Variants in ELOA observed in about 807,000 individuals in gnomAD.
ELOA encodes elongin-A.
In ELOA, 15 loss-of-function variants were observed where a neutral mutation model predicts 85.2. The ratio of observed to expected loss-of-function variants is 0.18; its 90% CI spans 0.12 to 0.27. The LOEUF is 0.27. ELOA is among the 10% of genes least tolerant of loss of function. ELOA has a pLI of 1.00. For missense variants in ELOA, 769 were observed against 952.7 expected, an observed-to-expected ratio of 0.81 and a Z score of 2.54; for synonymous variants, 348 against 357.2, an observed-to-expected ratio of 0.97 and a Z score of 0.29.
intron 1 of ELOA, 118 bp from the exon 2 acceptor site, chr1:23,748,903 G>A: frequency 1.4e-6 from 1 of 737,860 alleles, no homozygotes; most frequent in African/African-American, 1.8e-5. Flanking sequence ...ACTTACTACT[G>A]TAAATAGGCA....
intron 5 of ELOA, among the ~76,000 whole-genome samples, chr1:23,752,958 C>T (rs537137064): frequency 1.3e-5 from 2 of 151,552 alleles, no homozygotes; most frequent in African/African-American, 4.9e-5. Context: ...AAAAGGAGTT[C>T]TAAACCACCC....
intron 3 of ELOA, 55 bp from the exon 4 acceptor site, chr1:23,750,790 G>T: frequency 6.8e-7 from 1 of 1,468,900 alleles, no homozygotes; most frequent in Non-Finnish European, 9.1e-7. Context: ...CTGTGACTTT[G>T]TCCCTCAAGA....
intron 1 of ELOA, among the ~76,000 whole-genome samples, chr1:23,744,947 G>T (rs892852422): frequency 2.0e-4 from 31 of 151,918 alleles, no homozygotes; most frequent in Non-Finnish European, 3.7e-4. Context: ...ATTCTTTGGG[G>T]TTTTTTTTCT....
intron 3 of ELOA, among the ~76,000 whole-genome samples, chr1:23,750,556 A>G (rs1043189818): frequency 1.3e-5 from 2 of 152,012 alleles, no homozygotes; most frequent in African/African-American, 4.8e-5. Context: ...AGCAGCCCCC[A>G]TTTTATATAA....
At position 23,751,236 on chromosome 1, in the gene ELOA, G is replaced by A. The variant is rs771606084; in HGVS notation, c.631G>A (p.Gly211Arg). The A allele has an allele frequency of 1.2e-5, 20 of 1,614,072 alleles. No individual in the cohort carries two copies. Among genetic ancestry groups the A allele is most frequent in the Non-Finnish European group, 1.6e-5 (19 of 1,180,052 alleles). ...GCCCATTGTTTCACACCAGAAGCCT[G>A]GGAAAGGCCACAGCAATGCCTTTCA... ...QEPIVSHQKP[G>R]KGHSNAFQDR... Residue 211 changes from glycine (G) to arginine (R), a missense_variant, in exon 4 of 11, where the codon GGG (glycine) becomes AGG (arginine). Physicochemically the swap from Gly to Arg is moderately radical, Grantham distance 125. Transcript: ENST00000613537.
At position 23,752,622 on chromosome 1, in the gene ELOA, C is replaced by T. The variant is rs568553014; in HGVS notation, c.1537+104C>T. ...CTATAATTCCAGCACTTTGGGAGGC[C>T]GAGGTAAGAGGATTGCTTGCGGCCA... On this transcript the variant is annotated intron_variant, in intron 5 of 10. Coordinates refer to ENST00000613537, the MANE Select transcript of ELOA (RefSeq NM_003198.3). 4.5e-5 allele frequency: 55 copies of T among 1,215,678 alleles called. No homozygotes were observed. In the African/African-American group the frequency reaches 5.4e-4, roughly 12 times the overall value. The allele number at this position is 1,215,678 out of a possible 1,614,324, so 75.3% of individuals were successfully genotyped here.
rs1323628782 is a variant in ELOA, at chr1:23,751,181, C to A, written c.576C>A (p.Asp192Glu). ...SCTSPHQMYV[D>E]HYRSLEEDQE... ...CCAGTCCTCATCAGATGTACGTCGA[C>A]CACTACAGATCCCTGGAGGAGGACC... Residue 192 changes from aspartate to glutamate, a missense_variant, in exon 4 of 11, where the codon GAC (aspartate) becomes GAA (glutamate). Physicochemically the swap from Asp to Glu is conservative, Grantham distance 45. Transcript: ENST00000613537. The A allele has an allele frequency of 1.1e-5, 18 of 1,614,058 alleles. No homozygotes were observed. Among genetic ancestry groups the A allele is most frequent in the Non-Finnish European group, 1.4e-5 (17 of 1,180,044 alleles).
Position 23,761,184 on chromosome 1 carries a change from T to C in ELOA, c.*1611T>C, listed in dbSNP as rs1443108407. The C allele has an allele frequency of 1.3e-5, 2 of 152,152 alleles. No individual in the cohort carries two copies. Among genetic ancestry groups the C allele is most frequent in the East Asian group, 3.8e-4 (2 of 5,198 alleles). The allele number at this position is 152,152 out of a possible 1,614,324, so 9.4% of individuals were successfully genotyped here. A position where few individuals can be genotyped will look rare whatever the true frequency, so the allele number is the denominator to read the frequency against. On this transcript the variant is annotated 3_prime_UTR_variant, in exon 11 of 11. Transcript: ENST00000613537. Reference sequence around the variant, plus strand: ...GACAGGACACAAATGTTACTATGTTTTAATTTGCTATATTTTTGAATGGGT... The same window carrying C: ...GACAGGACACAAATGTTACTATGTTCTAATTTGCTATATTTTTGAATGGGT...
At position 23,744,928 on chromosome 1, in the gene ELOA, C is replaced by G. The variant is rs902671633; in HGVS notation, c.75+1350C>G. Among the ~76,000 whole-genome samples the G allele has an allele frequency of 2.0e-5, 3 of 152,272 alleles. No individual in the cohort carries two copies. The South Asian group carries it at 6.2e-4, about 32-fold the overall frequency. On this transcript the variant is annotated intron_variant, in intron 1 of 10. Coordinates refer to ENST00000613537, the MANE Select transcript of ELOA (RefSeq NM_003198.3). ...AGGCTGAAAGTCAGTGCTCAGAAAA[C>G]CAATCGTCATTCTTTGGGGTTTTTT...
chr1:23,747,346 T>C (rs1570589675), intron 1 of ELOA, among the ~76,000 whole-genome samples: 1 of 152,352 alleles, frequency 6.6e-6, no homozygotes, highest in South Asian at 2.1e-4. Context: ...CATTTGACTT[T>C]CCAGCTTGTT....
intron 4 of ELOA, 75 bp downstream of exon 4, chr1:23,752,105 ACT>A: frequency 7.1e-7 from 1 of 1,410,036 alleles, no homozygotes. Flanking sequence ...TTGCCCTGCC[ACT>A]GTTTTCCTTA....
chr1:23,748,143 A>G (rs191679508), intron 1 of ELOA, among the ~76,000 whole-genome samples: 4 of 152,338 alleles, frequency 2.6e-5, no homozygotes, highest in Admixed American at 1.3e-4. Context: ...GAATGAAATG[A>G]TAAGTATTTA....
intron 5 of ELOA, among the ~76,000 whole-genome samples, chr1:23,753,395 T>C (rs1644781304): frequency 6.6e-6 from 1 of 152,190 alleles, no homozygotes; most frequent in African/African-American, 2.4e-5. Flanking sequence ...TTGCTCTGGG[T>C]TTATCACATA....
intron 3 of ELOA, among the ~76,000 whole-genome samples, chr1:23,750,170 CTTTTTTTT>C (rs747972246): frequency 2.2e-5 from 2 of 90,536 alleles, no homozygotes; most frequent in African/African-American, 8.1e-5. Context: ...TGGTACGTTT[CTTTTTTTT>C]TTTTTTTTTT....
intron 7 of ELOA, among the ~76,000 whole-genome samples, chr1:23,755,611 A>G (rs1263110679): frequency 1.3e-5 from 2 of 151,988 alleles, no homozygotes; most frequent in Admixed American, 6.6e-5. Flanking sequence ...GCAAAACCCC[A>G]TCTCTACTGA....
intron 3 of ELOA, 75 bp from the exon 4 acceptor site, chr1:23,750,770 A>T (rs1304980015): frequency 7.5e-5 from 103 of 1,368,400 alleles, no homozygotes; most frequent in Non-Finnish European, 8.2e-5. Flanking sequence ...TTCTTTGGTG[A>T]GTTCAGATTC....
Position 23,759,703 on chromosome 1 carries a change from T to A in ELOA, c.*130T>A. Reference sequence around the variant, plus strand: ...TCCTTTTGGTCTCCGAGTCCTGCAGTCTGCAGGTGCTGCCCCTGGGAACCT... The same window carrying A: ...TCCTTTTGGTCTCCGAGTCCTGCAGACTGCAGGTGCTGCCCCTGGGAACCT... On this transcript the variant is annotated 3_prime_UTR_variant, in exon 11 of 11. Coordinates refer to ENST00000613537, the MANE Select transcript of ELOA (RefSeq NM_003198.3). 1 of 1,030,624 alleles carries A rather than the reference T, an allele frequency of 9.7e-7. No individual in the cohort carries two copies. Among genetic ancestry groups the A allele is most frequent in the Non-Finnish European group, 1.5e-6 (1 of 683,866 alleles). 63.8% of individuals were successfully genotyped at this position (1,030,624 alleles called of 1,614,324 possible).
intron 3 of ELOA, among the ~76,000 whole-genome samples, chr1:23,750,251 C>G (rs1371638694): frequency 6.9e-6 from 1 of 144,874 alleles, no homozygotes; most frequent in Non-Finnish European, 1.5e-5. Context: ...TCTCGGCTCA[C>G]TGCAAGCTCC....
chr1:23,755,921 G>C lies in ELOA; in HGVS notation c.1870G>C (p.Glu624Gln). 1 of 1,614,034 alleles carries C rather than the reference G, an allele frequency of 6.2e-7. No individual in the cohort carries two copies. Among genetic ancestry groups the C allele is most frequent in the Non-Finnish European group, 8.5e-7 (1 of 1,180,020 alleles). The change falls in exon 8 of 11, where the codon GAG (glutamate) becomes CAG (glutamine). Residue 624 changes from glutamate to glutamine, a missense_variant. Coordinates refer to ENST00000613537, the MANE Select transcript of ELOA (RefSeq NM_003198.3). ...TAAGGAAGAAAGACCCGAAGAGTATGAGTCGTGGCGAGAGATGTACCTGCG... is the reference window on the plus strand; with the variant it reads ...TAAGGAAGAAAGACCCGAAGAGTATCAGTCGTGGCGAGAGATGTACCTGCG... The part of the protein sequence containing the change: ...DFKEERPEEY[E>Q]SWREMYLRLQ...
Sources: allele counts gnomAD v4.1 joint callset (sites outside exome capture counted in the v4.1 genomes callset), GRCh38; gene constraint gnomAD v4.1.1; transcripts MANE v1.5; gene names NCBI Gene and HGNC (gene_info 2026-07-23, HGNC 2026-07-21).